The following MAGI2 variants were observed in gnomAD, a reference collection of about 807,000 sequenced individuals.
The protein encoded by MAGI2 is membrane associated guanylate kinase, WW and PDZ domain containing 2.
In MAGI2, 35 loss-of-function variants were observed where a neutral mutation model predicts 133.3. The observed-to-expected ratio is 0.26, with a 90% confidence interval of 0.20 to 0.35. The LOEUF is 0.35. Ranked by LOEUF, MAGI2 falls within the 10% of genes least tolerant of loss-of-function variation. The pLI is 1.00. For synonymous variants in MAGI2, 729 were observed against 710.6 expected, an observed-to-expected ratio of 1.03 and a Z score of -0.41; for missense variants, 1,636 against 1,863.4, an observed-to-expected ratio of 0.88 and a Z score of 2.25.
chr7:78,172,373 A>G (rs1432619594), intron 14 of MAGI2, among the ~76,000 whole-genome samples: 1 of 152,166 alleles, frequency 6.6e-6, no homozygotes, highest in Non-Finnish European at 1.5e-5. Context: ...ACCAGTGTGC[A>G]CCACACTCCT....
At chr7:79,446,317 TA>T (rs1347354205) in intron 1 of MAGI2, among the ~76,000 whole-genome samples, 8 of 151,984 alleles carry the variant, frequency 5.3e-5, no homozygotes, top group East Asian at 1.9e-4. Flanking sequence ...AAAGTACAAT[TA>T]AAAAAAGAAG....
chr7:78,686,640 T>TA (rs1056981494), intron 2 of MAGI2, among the ~76,000 whole-genome samples: 1 of 152,136 alleles, frequency 6.6e-6, no homozygotes, highest in African/African-American at 2.4e-5. Context: ...TATGTCTCTT[T>TA]AGCCATCATA....
At chr7:78,133,915 C>T (rs1471184923) in intron 17 of MAGI2, among the ~76,000 whole-genome samples, 1 of 152,116 alleles carries the variant, frequency 6.6e-6, no homozygotes, top group Non-Finnish European at 1.5e-5. Context: ...TCTTCTTCCC[C>T]CCCCTTTTTT....
chr7:78,669,979 A>G (rs1232460674), intron 2 of MAGI2, among the ~76,000 whole-genome samples: 2 of 151,692 alleles, frequency 1.3e-5, no homozygotes, highest in Non-Finnish European at 2.9e-5. Context: ...TGAATGGGCA[A>G]AAACTGGAAG....
At chr7:78,063,309 A>G (rs1313164215) in intron 21 of MAGI2, among the ~76,000 whole-genome samples, 1 of 152,136 alleles carries the variant, frequency 6.6e-6, no homozygotes, top group Non-Finnish European at 1.5e-5. Context: ...TGGTGCAATC[A>G]TCGCTCGTTG....
chr7:78,044,642 G>C (rs1221439421), intron 21 of MAGI2, among the ~76,000 whole-genome samples: 1 of 151,806 alleles, frequency 6.6e-6, no homozygotes, highest in African/African-American at 2.4e-5. Flanking sequence ...TGATCAACAA[G>C]ATAGACAAAG....
chr7:78,224,039 G>A (rs1789105650), intron 10 of MAGI2, among the ~76,000 whole-genome samples: 1 of 152,096 alleles, frequency 6.6e-6, no homozygotes, highest in African/African-American at 2.4e-5. Flanking sequence ...GCCTTGGACT[G>A]CTTGATTCAA....
intron 21 of MAGI2, among the ~76,000 whole-genome samples, chr7:78,065,291 G>T (rs1382459676): frequency 6.6e-6 from 1 of 152,192 alleles, no homozygotes; most frequent in Non-Finnish European, 1.5e-5. Flanking sequence ...TGAAATATGT[G>T]GGGTGGAACG....
intron 6 of MAGI2, among the ~76,000 whole-genome samples, chr7:78,412,091 G>T (rs1797924246): frequency 6.6e-6 from 1 of 152,020 alleles, no homozygotes; most frequent in African/African-American, 2.4e-5. Context: ...TCGCTTTCAA[G>T]TCTATAAAAT....
At chr7:79,080,839 C>T (rs369072120) in intron 1 of MAGI2, among the ~76,000 whole-genome samples, 15 of 152,230 alleles carry the variant, frequency 9.9e-5, no homozygotes, top group Middle Eastern at 3.4e-3. Context: ...CACTGGTCCA[C>T]GCTGTGTCAT....
At chr7:78,752,472 G>A (rs1014203593) in intron 2 of MAGI2, among the ~76,000 whole-genome samples, 24 of 150,878 alleles carry the variant, frequency 1.6e-4, no homozygotes, top group Middle Eastern at 3.4e-3. Context: ...GCATGGTGGT[G>A]TGCACCTGTA....
intron 20 of MAGI2, among the ~76,000 whole-genome samples, chr7:78,083,823 A>G (rs1376535650): frequency 2.0e-5 from 3 of 152,218 alleles, no homozygotes; most frequent in Non-Finnish European, 4.4e-5. Flanking sequence ...ATGGAAGGCC[A>G]AGGCAGGAGA....
rs1326644686 is a variant in MAGI2, at chr7:78,343,926, C to T, written c.1260G>A (p.Leu420=). ...GGGTGGTGCTGAGGAATGTTCCCTTCAACTGGGATGCATCCCGGGTGAAGA... is the reference window on the plus strand; with the variant it reads ...GGGTGGTGCTGAGGAATGTTCCCTTTAACTGGGATGCATCCCGGGTGAAGA... ...KPLFTRDASQ[L]KGTFLSTTLK... is the part of the protein sequence containing the mutation. Residue 420 remains leucine (L), a synonymous_variant, in exon 9 of 22, where the codon TTG becomes TTA. Coordinates refer to ENST00000354212, the MANE Select transcript of MAGI2 (RefSeq NM_012301.4). 43 of 1,610,228 alleles carry T rather than the reference C, an allele frequency of 2.7e-5. No homozygotes were observed. The highest frequency in any genetic ancestry group is 3.4e-5 in the Non-Finnish European group (40 of 1,178,928).
At position 78,313,390 on chromosome 7, in the gene MAGI2, CTG is replaced by C. The variant is rs1200731104; in HGVS notation, c.1408+30386_1408+30387del. On this transcript the variant is annotated intron_variant, in intron 9 of 21. Transcript: ENST00000354212. ...CATCTTGGAGGAAAAATGACATTAA[CTG>C]TACTGGAAAGTGAAACAAAGCTTAA... is the stretch of plus-strand genomic sequence containing the variant. Among the ~76,000 whole-genome samples, 3 of 151,874 alleles carry C rather than the reference CTG, an allele frequency of 2.0e-5. No homozygotes were observed. In the East Asian group the frequency reaches 5.8e-4, roughly 29 times the overall value.
intron 1 of MAGI2, among the ~76,000 whole-genome samples, chr7:79,036,590 T>C (rs1293142276): frequency 6.6e-6 from 1 of 152,170 alleles, no homozygotes; most frequent in East Asian, 1.9e-4. Flanking sequence ...AGATCAAAAA[T>C]CTCAATCTTC....
chr7:78,672,280 T>C (rs2151074832), intron 2 of MAGI2, among the ~76,000 whole-genome samples: 1 of 152,256 alleles, frequency 6.6e-6, no homozygotes, highest in African/African-American at 2.4e-5. Context: ...CCCCTCTCTC[T>C]CTTGCTCCCT....
At chr7:78,509,294 TATAAC>T (rs1795369979) in intron 4 of MAGI2, 1 of 152,210 alleles carries the variant, frequency 6.6e-6, no homozygotes. Flanking sequence ...AACAGACATT[TATAAC>T]ATATAGTCTT....
intron 2 of MAGI2, among the ~76,000 whole-genome samples, chr7:78,995,930 T>A (rs1806245449): frequency 6.6e-6 from 1 of 152,118 alleles, no homozygotes; most frequent in Admixed American, 6.6e-5. Context: ...ATTTCCCACA[T>A]GTCTTCAAAG....
chr7:78,421,444 A>G (rs1798787715), intron 6 of MAGI2, among the ~76,000 whole-genome samples: 3 of 152,344 alleles, frequency 2.0e-5, no homozygotes, highest in Admixed American at 6.5e-5. Context: ...TTTACTTAAA[A>G]TGGCTACTGA....
Sources: allele counts gnomAD v4.1 joint callset (sites outside exome capture counted in the v4.1 genomes callset), GRCh38; gene constraint gnomAD v4.1.1; transcripts MANE v1.5; gene names NCBI Gene and HGNC (gene_info 2026-07-23, HGNC 2026-07-21).